Variants in RAB3IL1 observed in about 807,000 individuals in gnomAD.
The protein encoded by RAB3IL1 is guanine nucleotide exchange factor for Rab-3A.
Under a neutral mutation model 49.2 loss-of-function variants are expected in RAB3IL1, and 37 were observed. The observed-to-expected ratio is 0.75, with a 90% CI of 0.58 to 0.99. The LOEUF (loss-of-function observed/expected upper bound fraction) is 0.99, where lower values mean the gene tolerates loss of function less well. Among genes scored for constraint, RAB3IL1 ranks in the 50% least tolerant of loss-of-function variants. RAB3IL1 has a pLI of 0.00. For missense variants in RAB3IL1, 484 were observed against 513.0 expected, an observed-to-expected ratio of 0.94 and a Z score of 0.55; for synonymous variants, 193 against 213.9, an observed-to-expected ratio of 0.90 and a Z score of 0.85.
chr11:61,924,210 G>C (rs976615953), upstream of RAB3IL1, among the ~76,000 whole-genome samples: 1 of 152,160 alleles, frequency 6.6e-6, no homozygotes, highest in Non-Finnish European at 1.5e-5. Flanking sequence ...GGTACAGAGC[G>C]GGGCTAGCAG....
the RAB3IL1 span, among the ~76,000 whole-genome samples, chr11:61,930,298 A>G: frequency 2.6e-5 from 4 of 152,312 alleles, no homozygotes; most frequent in Admixed American, 1.3e-4. Flanking sequence ...GGGAAGATAA[A>G]AAATGTTCTA....
the RAB3IL1 span, among the ~76,000 whole-genome samples, chr11:61,932,276 G>A: frequency 6.6e-6 from 1 of 151,522 alleles, no homozygotes; most frequent in Admixed American, 6.6e-5. Flanking sequence ...AGAAAATGAA[G>A]GGGGTAAAGC....
the RAB3IL1 span, among the ~76,000 whole-genome samples, chr11:61,938,635 G>A: frequency 6.6e-6 from 1 of 152,168 alleles, no homozygotes; most frequent in Non-Finnish European, 1.5e-5. Context: ...AAGAATAGCT[G>A]GAAATATCGG....
At chr11:61,943,368 C>T in the RAB3IL1 span, among the ~76,000 whole-genome samples, 2 of 152,096 alleles carry the variant, frequency 1.3e-5, no homozygotes, top group South Asian at 2.1e-4. Flanking sequence ...AATGTAAGAA[C>T]TAAAGCGATA....
At chr11:61,934,450 G>GTGTATGTATA in the RAB3IL1 span, among the ~76,000 whole-genome samples, 10 of 31,610 alleles carry the variant, frequency 3.2e-4, no homozygotes, top group African/African-American at 9.2e-4. Context: ...GTGTGTGTAT[G>GTGTATGTATA]TATATATATA....
chr11:61,928,362 GAGCTAGGACCCTCAAAATACATGA>G, the RAB3IL1 span, among the ~76,000 whole-genome samples: 6 of 151,824 alleles, frequency 4.0e-5, no homozygotes, highest in African/African-American at 1.5e-4. Flanking sequence ...CAAATACATG[GAGCTAGGACCCTCAAAATACATGA>G]AGCTAGGACC....
At chr11:61,902,236 TC>T (rs1938952575) in intron 8 of RAB3IL1, among the ~76,000 whole-genome samples, 1 of 152,218 alleles carries the variant, frequency 6.6e-6, no homozygotes, top group Admixed American at 6.5e-5. Flanking sequence ...ATTGCTAATG[TC>T]TGCCTGGGAG....
the RAB3IL1 span, among the ~76,000 whole-genome samples, chr11:61,931,102 G>A: frequency 6.6e-6 from 1 of 152,160 alleles, no homozygotes; most frequent in Non-Finnish European, 1.5e-5. Flanking sequence ...GAAGTATAGA[G>A]CACTAGATCA....
the RAB3IL1 span, among the ~76,000 whole-genome samples, chr11:61,932,971 A>AT: frequency 1.3e-5 from 2 of 151,910 alleles, no homozygotes; most frequent in Non-Finnish European, 2.9e-5. Context: ...GGATTTCACC[A>AT]TGTTGGCCAG....
At chr11:61,909,197 G>T (rs1939351814) in intron 1 of RAB3IL1, among the ~76,000 whole-genome samples, 1 of 152,210 alleles carries the variant, frequency 6.6e-6, no homozygotes, top group Non-Finnish European at 1.5e-5. Context: ...GGCTGGGGAT[G>T]GGGGGCTGGG....
rs1938736564 is a variant in RAB3IL1, at chr11:61,898,699, T to G, written c.1067-339A>C. On this transcript the variant is annotated intron_variant, in intron 9 of 9. Transcript: ENST00000394836. This position sits in a 1 kb window ranked among gnomAD's most constrained non-coding sequence, Gnocchi z 5.1. Reference sequence around the variant, plus strand: ...ATTAGACAAGGCACAGATGCCTCCCTGGGGTCTCACAAGGACCCTGCGCAG... The same window carrying G: ...ATTAGACAAGGCACAGATGCCTCCCGGGGGTCTCACAAGGACCCTGCGCAG... The G allele has an allele frequency of 2.1e-6, 1 of 482,182 alleles. No homozygotes were observed. Among genetic ancestry groups the G allele is most frequent in the Non-Finnish European group, 4.0e-6 (1 of 248,176 alleles). The allele number at this position is 482,182 out of a possible 1,614,324, so 29.9% of individuals were successfully genotyped here.
In RAB3IL1 at chr11:61,906,356, G is replaced by A. The variant is rs1028802547; in HGVS notation, c.657+110C>T. On this transcript the variant is annotated intron_variant, in intron 5 of 9. Transcript: ENST00000394836. The surrounding 1 kb of genome is among the most constrained non-coding windows in gnomAD (Gnocchi z 4.6). Reference sequence around the variant, plus strand: ...TCACATCCCAGAGAGGCGCAGGACAGGCTCCAGGTCACACAGCATGGGGCA... The same window carrying A: ...TCACATCCCAGAGAGGCGCAGGACAAGCTCCAGGTCACACAGCATGGGGCA... 48 of 1,009,006 alleles carry A rather than the reference G, an allele frequency of 4.8e-5. No homozygotes were observed. Among genetic ancestry groups the A allele is most frequent in the Admixed American group, 1.9e-4 (9 of 48,548 alleles). 62.5% of individuals were successfully genotyped at this position (1,009,006 alleles called of 1,614,324 possible).
intron 2 of RAB3IL1, 90 bp downstream of exon 2, chr11:61,907,964 G>A: frequency 6.6e-7 from 1 of 1,510,806 alleles, no homozygotes; most frequent in Non-Finnish European, 8.9e-7. Flanking sequence ...TCTCCCTTGG[G>A]CACATCTCTG....
chr11:61,933,631 G>A, the RAB3IL1 span, among the ~76,000 whole-genome samples: 2 of 152,156 alleles, frequency 1.3e-5, no homozygotes, highest in African/African-American at 4.8e-5. Flanking sequence ...AAATGTGGAG[G>A]TAGCTTTGGA....
At chr11:61,913,506 C>T (rs148361480) in intron 1 of RAB3IL1, among the ~76,000 whole-genome samples, 36 of 152,244 alleles carry the variant, frequency 2.4e-4, no homozygotes, top group African/African-American at 8.2e-4. Flanking sequence ...ACGCCTCCGC[C>T]GGCCATAGCC....
At chr11:61,928,210 T>C in the RAB3IL1 span, among the ~76,000 whole-genome samples, 1 of 151,104 alleles carries the variant, frequency 6.6e-6, no homozygotes, top group Non-Finnish European at 1.5e-5. Flanking sequence ...TCTTTGAGGA[T>C]GTGTTGTCTA....
In RAB3IL1 at chr11:61,898,718, T is replaced by C. The variant is rs1455852801; in HGVS notation, c.1067-358A>G. ...CCTCCCTGGGGTCTCACAAGGACCC[T>C]GCGCAGTGAGGCGGGGACCACAGCG... On this transcript the variant is annotated intron_variant, in intron 9 of 9. Transcript: ENST00000394836. The surrounding 1 kb of genome is among the most constrained non-coding windows in gnomAD (Gnocchi z 5.1). The C allele has an allele frequency of 2.1e-6, 1 of 485,164 alleles. No homozygotes were observed. The highest frequency in any genetic ancestry group is 5.9e-5 in the East Asian group (1 of 16,858). The allele number at this position is 485,164 out of a possible 1,614,324, so 30.1% of individuals were successfully genotyped here.
At chr11:61,919,211 G>A (rs1939830354), upstream of RAB3IL1, among the ~76,000 whole-genome samples, 1 of 152,236 alleles carries the variant, frequency 6.6e-6, no homozygotes, top group African/African-American at 2.4e-5. Context: ...AAGGGTGGAG[G>A]AGGCGTCAGC....
At chr11:61,941,611 G>C in the RAB3IL1 span, among the ~76,000 whole-genome samples, 1 of 152,124 alleles carries the variant, frequency 6.6e-6, no homozygotes, top group Non-Finnish European at 1.5e-5. Flanking sequence ...AATTAGCCAG[G>C]TGTGGTGGCA....
Sources: gnomAD v4.1 joint callset for allele counts (sites outside exome capture counted in the v4.1 genomes callset) on GRCh38, gnomAD v4.1.1 for gene constraint, Gnocchi (gnomAD v3.1) non-coding constraint, MANE v1.5 for transcripts, NCBI Gene and HGNC (gene_info 2026-07-23, HGNC 2026-07-21) for gene names.